AKAP13: variants seen among roughly 807,000 people sequenced by gnomAD.
The protein encoded by AKAP13 is A-kinase anchoring protein 13.
A neutral mutation model predicts 264.5 loss-of-function variants in AKAP13; 80 were observed. The observed-to-expected ratio is 0.30, with a 90% confidence interval of 0.25 to 0.36. The LOEUF (loss-of-function observed/expected upper bound fraction) is 0.36, where lower values mean the gene tolerates loss of function less well. Among genes scored for constraint, AKAP13 ranks in the 10% least tolerant of loss-of-function variants. The pLI, the probability that AKAP13 is intolerant of heterozygous loss-of-function variation, is 1.00. For synonymous variants in AKAP13, 1,380 were observed against 1,250.2 expected (o/e 1.10, Z -2.19); for missense variants, 3,712 against 3,435.2 (o/e 1.08, Z -2.01).
chr15:85,727,155 G>C lies in AKAP13; in HGVS notation c.6912G>C (p.Gly2304=). 2 of 1,614,206 alleles carry C rather than the reference G, an allele frequency of 1.2e-6. No homozygotes were observed. The highest frequency in any genetic ancestry group is 1.1e-5 in the South Asian group (1 of 91,088). The change falls in exon 28 of 37, where the codon GGG becomes GGC. Residue 2304 remains glycine, a synonymous_variant. Coordinates refer to ENST00000394518, the MANE Select transcript of AKAP13 (RefSeq NM_007200.5). This position sits in a 1 kb window ranked among gnomAD's most constrained non-coding sequence, Gnocchi z 5.3. ...EEKGLFLISM[G]MTDPEMVEVH... is the part of the protein sequence containing the mutation. ...AAGGTTTATTCCTGATCAGCATGGG[G>C]ATGACAGATCCAGAGATGGTAGAAG...
chr15:85,507,529 G>A (rs1183412459), intron 2 of AKAP13, among the ~76,000 whole-genome samples: 1 of 152,170 alleles, frequency 6.6e-6, no homozygotes, highest in Non-Finnish European at 1.5e-5. Context: ...GGAAACATTT[G>A]GTGTTGTATG....
At chr15:85,568,283 C>T (rs2078681622) in intron 5 of AKAP13, among the ~76,000 whole-genome samples, 1 of 150,624 alleles carries the variant, frequency 6.6e-6, no homozygotes, top group Non-Finnish European at 1.5e-5. Flanking sequence ...ATGAGTGACC[C>T]TCTATCAAAA....
intron 10 of AKAP13, among the ~76,000 whole-genome samples, chr15:85,652,440 T>G (rs1258032444): frequency 6.6e-6 from 1 of 152,222 alleles, no homozygotes; most frequent in Non-Finnish European, 1.5e-5. Flanking sequence ...AATGGAAACT[T>G]TAACTCAAAA....
At chr15:85,513,572 A>G (rs946152009) in intron 2 of AKAP13, among the ~76,000 whole-genome samples, 4 of 152,218 alleles carry the variant, frequency 2.6e-5, no homozygotes, top group Admixed American at 1.3e-4. Context: ...ATTTACCTGT[A>G]GGCCGACAAT....
chr15:85,534,912 T>C (rs1414307455), intron 4 of AKAP13: 1 of 152,222 alleles, frequency 6.6e-6, no homozygotes, highest in African/African-American at 2.4e-5. Context: ...GTTTCCCTTC[T>C]GAGTTCAAGT....
intron 18 of AKAP13, among the ~76,000 whole-genome samples, chr15:85,709,725 T>C (rs1012201915): frequency 3.4e-5 from 5 of 148,536 alleles, no homozygotes; most frequent in African/African-American, 1.2e-4. Context: ...TCTCACTGTG[T>C]CACCCAGGCT....
At chr15:85,582,665 T>A (rs1384134406) in intron 7 of AKAP13, among the ~76,000 whole-genome samples, 1 of 152,048 alleles carries the variant, frequency 6.6e-6, no homozygotes, top group East Asian at 1.9e-4. Flanking sequence ...TTTGTTTGTT[T>A]GTTTTTGTTT....
chr15:85,532,687 G>T (rs2077279395), intron 3 of AKAP13, among the ~76,000 whole-genome samples: 1 of 152,230 alleles, frequency 6.6e-6, no homozygotes, highest in African/African-American at 2.4e-5. Flanking sequence ...ATTTAATTCT[G>T]TGAGGCTAAA....
chr15:85,700,620 T>C (rs1162450451), intron 17 of AKAP13, among the ~76,000 whole-genome samples: 3 of 152,248 alleles, frequency 2.0e-5, no homozygotes, highest in African/African-American at 7.2e-5. Flanking sequence ...GCTTTCAGGA[T>C]GTCAGGTGTT....
intron 5 of AKAP13, among the ~76,000 whole-genome samples, chr15:85,570,075 CA>C (rs141206000): frequency 3.6e-3 from 299 of 83,516 alleles, no homozygotes; most frequent in Middle Eastern, 9.8e-3. Flanking sequence ...GACTCCGTCT[CA>C]AAAAAAAAAA....
chr15:85,726,796 A>G (rs1337854146), intron 27 of AKAP13, among the ~76,000 whole-genome samples: 1 of 152,258 alleles, frequency 6.6e-6, no homozygotes, highest in African/African-American at 2.4e-5. Context: ...AATATTGCTG[A>G]CTGGATTCTT....
chr15:85,590,935 T>G (rs944999920), intron 8 of AKAP13, among the ~76,000 whole-genome samples: 1 of 152,248 alleles, frequency 6.6e-6, no homozygotes, highest in Non-Finnish European at 1.5e-5. Flanking sequence ...CAATATGCTA[T>G]TCACTTATTT....
intron 8 of AKAP13, among the ~76,000 whole-genome samples, chr15:85,617,380 A>T (rs2080987490): frequency 6.6e-6 from 1 of 152,160 alleles, no homozygotes; most frequent in Non-Finnish European, 1.5e-5. Flanking sequence ...AATAGTTGGG[A>T]CTACAGGCAT....
At chr15:85,524,553 G>C (rs1221021400) in intron 3 of AKAP13, among the ~76,000 whole-genome samples, 2 of 151,844 alleles carry the variant, frequency 1.3e-5, no homozygotes, top group Admixed American at 6.6e-5. Flanking sequence ...TGAGTTCTCT[G>C]TATGTTTCAC....
At chr15:85,713,030 C>T (rs1280144100) in intron 19 of AKAP13, among the ~76,000 whole-genome samples, 1 of 152,188 alleles carries the variant, frequency 6.6e-6, no homozygotes, top group Non-Finnish European at 1.5e-5. Flanking sequence ...ATAATAGTAT[C>T]ATAGGGTGGT....
At chr15:85,741,600 G>T in intron 35 of AKAP13, 105 bp downstream of exon 35, 1 of 1,425,266 alleles carries the variant, frequency 7.0e-7, no homozygotes, top group South Asian at 1.5e-5. Context: ...GCCTGTTTTT[G>T]GCCAGATGCT....
Position 85,532,966 on chromosome 15 carries a change from G to A in AKAP13, c.182-618G>A, listed in dbSNP as rs552342134. Among the ~76,000 whole-genome samples the A allele has an allele frequency of 2.6e-5, 4 of 152,314 alleles. No individual in the cohort carries two copies. The East Asian group carries it at 5.8e-4, about 22-fold the overall frequency. On this transcript the variant is annotated intron_variant, in intron 3 of 36. Coordinates refer to ENST00000394518, the MANE Select transcript of AKAP13 (RefSeq NM_007200.5). ...CATTGAAGTCCTCATTACATTAGTG[G>A]TTGAGATGGGAAATAATGTGTATCT...
intron 1 of AKAP13, among the ~76,000 whole-genome samples, chr15:85,469,045 G>C (rs1274324815): frequency 7.3e-6 from 1 of 137,330 alleles, no homozygotes; most frequent in Non-Finnish European, 1.5e-5. Context: ...CTCCCCAGTA[G>C]CTTGGACTAC....
intron 8 of AKAP13, among the ~76,000 whole-genome samples, chr15:85,618,175 A>G (rs183177928): frequency 6.6e-6 from 1 of 152,232 alleles, no homozygotes; most frequent in African/African-American, 2.4e-5. Flanking sequence ...CAGTCTTCTT[A>G]GCAGGGTTTG....
Sources: allele counts gnomAD v4.1 joint callset (sites outside exome capture counted in the v4.1 genomes callset), GRCh38; gene constraint gnomAD v4.1.1; non-coding constraint Gnocchi (gnomAD v3.1); transcripts MANE v1.5; gene names NCBI Gene and HGNC (gene_info 2026-07-23, HGNC 2026-07-21).